Variants in NAV3 observed in about 807,000 individuals in gnomAD.
NAV3 encodes the protein neuron navigator 3, also known as pore membrane and/or filament interacting like protein 1.
NAV3 carries 87 observed loss-of-function variants against 244.7 expected under a neutral mutation model. The observed-to-expected ratio is 0.36, with a 90% CI of 0.30 to 0.42. The LOEUF (loss-of-function observed/expected upper bound fraction) is 0.42, where lower values mean the gene tolerates loss of function less well. Ranked by LOEUF, NAV3 falls within the 20% of genes least tolerant of loss-of-function variation. The pLI, the probability that NAV3 is intolerant of heterozygous loss-of-function variation, is 1.00. For missense variants in NAV3, 2,663 were observed against 2,893.3 expected (o/e 0.92, Z 1.83); for synonymous variants, 1,126 against 1,042.2 (o/e 1.08, Z -1.55).
chr12:77,778,879 G>T, intron 2 of NAV3, among the ~76,000 whole-genome samples: 1 of 152,272 alleles, frequency 6.6e-6, no homozygotes, highest in South Asian at 2.1e-4. Context: ...AAAAGAAGCT[G>T]AATCCGTTTG....
chr12:77,849,467 A>G (rs372426121), intron 1 of NAV3, among the ~76,000 whole-genome samples: 5 of 152,164 alleles, frequency 3.3e-5, no homozygotes, highest in African/African-American at 1.2e-4. Flanking sequence ...TGCCAACATG[A>G]CACCACACAT....
chr12:78,128,999 C>A, intron 18 of NAV3, 133 bp downstream of exon 18: 1 of 750,790 alleles, frequency 1.3e-6, no homozygotes, highest in Non-Finnish European at 2.1e-6. Flanking sequence ...CAGTACCTTT[C>A]ATTTGTGTCA....
Position 77,691,360 on chromosome 12 carries a change from T to TATAC in NAV3, c.72+119094_72+119095insATAC, listed in dbSNP as rs60932712. On this transcript the variant is annotated intron_variant, in intron 2 of 8. Transcript: ENST00000550042. Reference sequence around the variant, plus strand: ...GTGTATATATATATATATATACATATCCATTCTTGTACTTTTTCTGCTCAA... The same window carrying TATAC: ...GTGTATATATATATATATATACATATATACCCATTCTTGTACTTTTTCTGCTCAA... 1.3e-3 allele frequency among the ~76,000 whole-genome samples: 178 copies of TATAC among 134,834 alleles called. 5 individuals carry two copies. Among genetic ancestry groups the TATAC allele is most frequent in the African/African-American group, 4.7e-3 (174 of 36,740 alleles). 88.5% of individuals were successfully genotyped at this position (134,834 alleles called of 152,430 possible).
chr12:77,858,614 A>G (rs1878751680), intron 1 of NAV3, among the ~76,000 whole-genome samples: 1 of 152,062 alleles, frequency 6.6e-6, no homozygotes. Flanking sequence ...CACTGTGGGA[A>G]TTGGACTTCC....
At chr12:77,886,532 G>A (rs1381313331) in intron 1 of NAV3, among the ~76,000 whole-genome samples, 1 of 152,126 alleles carries the variant, frequency 6.6e-6, no homozygotes, top group African/African-American at 2.4e-5. Context: ...GGTCTTGAAT[G>A]TCACTTAAGC....
intron 2 of NAV3, among the ~76,000 whole-genome samples, chr12:77,785,452 C>T (rs951767561): frequency 2.6e-5 from 4 of 151,960 alleles, no homozygotes; most frequent in African/African-American, 9.7e-5. Flanking sequence ...CAGATGTCTT[C>T]CTAAGAGGCA....
intron 5 of NAV3, among the ~76,000 whole-genome samples, chr12:77,977,581 A>C (rs1429948513): frequency 2.6e-5 from 4 of 152,030 alleles, no homozygotes; most frequent in Non-Finnish European, 5.9e-5. Flanking sequence ...ACCAATGTTC[A>C]TATGATTAAT....
chr12:77,739,529 C>T (rs183270020), intron 2 of NAV3, among the ~76,000 whole-genome samples: 66 of 152,180 alleles, frequency 4.3e-4, no homozygotes, highest in African/African-American at 1.6e-3. Flanking sequence ...TTGACTCTGA[C>T]TGAACATTAA....
intron 2 of NAV3, among the ~76,000 whole-genome samples, chr12:77,589,092 G>A (rs1869780449): frequency 6.6e-6 from 1 of 152,140 alleles, no homozygotes; most frequent in African/African-American, 2.4e-5. Context: ...AAGGATCTAG[G>A]TACTAAGACA....
intron 12 of NAV3, among the ~76,000 whole-genome samples, chr12:78,072,915 A>T (rs1468693205): frequency 1.5e-5 from 2 of 137,860 alleles, no homozygotes; most frequent in Non-Finnish European, 3.2e-5. Flanking sequence ...CCAGCATATA[A>T]ACAGAGCCAA....
At chr12:77,787,873 A>G (rs11106697) in intron 2 of NAV3, among the ~76,000 whole-genome samples, 3,001 of 152,350 alleles carry the variant, frequency 0.02, 100 homozygotes, top group African/African-American at 0.067. Context: ...TTATTCACAG[A>G]CTTATGACAA....
chr12:78,024,144 AT>A (rs1405857517), intron 9 of NAV3, among the ~76,000 whole-genome samples: 1 of 151,908 alleles, frequency 6.6e-6, no homozygotes, highest in Admixed American at 6.6e-5. Context: ...ACCTCCGCAT[AT>A]TTTTCTTCTC....
chr12:77,991,653 A>G (rs540782406), intron 5 of NAV3, among the ~76,000 whole-genome samples: 1 of 152,180 alleles, frequency 6.6e-6, no homozygotes, highest in Non-Finnish European at 1.5e-5. Context: ...AGGCACAGAA[A>G]AATAGAAAAG....
intron 5 of NAV3, among the ~76,000 whole-genome samples, chr12:77,990,238 C>T (rs531758298): frequency 6.6e-6 from 1 of 152,202 alleles, no homozygotes; most frequent in South Asian, 2.1e-4. Context: ...ATTCACCTCC[C>T]CAATTAACTA....
chr12:77,976,149 G>A (rs974238635), intron 5 of NAV3, among the ~76,000 whole-genome samples: 2 of 152,152 alleles, frequency 1.3e-5, no homozygotes, highest in Non-Finnish European at 1.5e-5. Flanking sequence ...ATGAGGAAAG[G>A]TTTGGTAGGG....
At chr12:77,807,272 G>A (rs943531729) in intron 2 of NAV3, among the ~76,000 whole-genome samples, 2 of 152,096 alleles carry the variant, frequency 1.3e-5, no homozygotes, top group East Asian at 3.9e-4. Flanking sequence ...TCATAGTGTC[G>A]ATTGTCTCTA....
intron 8 of NAV3, among the ~76,000 whole-genome samples, chr12:78,016,054 A>G (rs1270382120): frequency 6.6e-6 from 1 of 151,576 alleles, no homozygotes; most frequent in Non-Finnish European, 1.5e-5. Context: ...CTGCCCTATC[A>G]CTCTTTGAGA....
At chr12:78,163,231 T>C (rs1327963986) in intron 23 of NAV3, among the ~76,000 whole-genome samples, 1 of 152,006 alleles carries the variant, frequency 6.6e-6, no homozygotes, top group Non-Finnish European at 1.5e-5. Context: ...TGTCATTTGA[T>C]TTATAGACCA....
intron 1 of NAV3, among the ~76,000 whole-genome samples, chr12:77,893,604 A>T (rs1884219100): frequency 6.6e-6 from 1 of 152,058 alleles, no homozygotes; most frequent in Admixed American, 6.5e-5. Context: ...AAAAAAAGAA[A>T]ACTTGGGGGG....
Sources: allele counts gnomAD v4.1 joint callset (sites outside exome capture counted in the v4.1 genomes callset), GRCh38; gene constraint gnomAD v4.1.1; transcripts MANE v1.5; gene names NCBI Gene and HGNC (gene_info 2026-07-23, HGNC 2026-07-21).